Variants in GREM2 observed in about 807,000 individuals in gnomAD.
GREM2 encodes the protein gremlin-2.
GREM2 carries 11 observed loss-of-function variants against 14.2 expected under a neutral mutation model. The observed-to-expected ratio is 0.78, with a 90% CI of 0.49 to 1.28. The LOEUF is 1.28. Among genes scored for constraint, GREM2 ranks in the 50% most tolerant of loss-of-function variants. The probability of loss-of-function intolerance (pLI) is 0.00; values close to 1 mark genes in which losing one functional copy is unlikely to be tolerated. For missense variants in GREM2, 210 were observed against 218.5 expected (o/e 0.96, Z 0.24); for synonymous variants, 98 against 97.6 (o/e 1.00, Z -0.02).
At chr1:240,521,170 G>A (rs1479460866) in intron 1 of GREM2, among the ~76,000 whole-genome samples, 4 of 152,040 alleles carry the variant, frequency 2.6e-5, no homozygotes, top group Middle Eastern at 3.2e-3. Context: ...TATTTTCCTG[G>A]TTCTGTCTTG....
At position 240,610,069 on chromosome 1, in the gene GREM2, C is replaced by T. The variant is rs537747950; in HGVS notation, c.-2+1815G>A. The stretch of plus-strand genomic sequence containing the variant: ...TAGTCTATACAAAGTGAATATAATC[C>T]GTCTCACACTCACAAAGTTGCTACC... On this transcript the variant is annotated intron_variant, in intron 1 of 1. Coordinates refer to ENST00000318160, the MANE Select transcript of GREM2 (RefSeq NM_022469.4). Among the ~76,000 whole-genome samples the T allele has an allele frequency of 1.3e-4, 20 of 152,064 alleles. 1 individual carries two copies. The highest frequency in any genetic ancestry group is 2.1e-4 in the South Asian group (1 of 4,806).
intron 1 of GREM2, among the ~76,000 whole-genome samples, chr1:240,561,840 C>T (rs1302515953): frequency 6.6e-6 from 1 of 152,044 alleles, no homozygotes; most frequent in South Asian, 2.1e-4. Context: ...GGTATTATTT[C>T]TATTTAGAGA....
intron 1 of GREM2, among the ~76,000 whole-genome samples, chr1:240,574,239 C>G (rs900539543): frequency 6.6e-6 from 1 of 152,046 alleles, no homozygotes; most frequent in Non-Finnish European, 1.5e-5. Context: ...TTTAAAATTT[C>G]TTTTCTGTTG....
rs542071905 is a variant in GREM2 at position 240,601,996 on chromosome 1, C to A, written c.-2+9888G>T. Reference sequence around the variant, plus strand: ...GCTCAATAAATCCTCTCTTGCCCCCCTGCCTACTTTTCCTTTCAGCAAAAG... The same window carrying A: ...GCTCAATAAATCCTCTCTTGCCCCCATGCCTACTTTTCCTTTCAGCAAAAG... On this transcript the variant is annotated intron_variant, in intron 1 of 1. Coordinates refer to ENST00000318160, the MANE Select transcript of GREM2 (RefSeq NM_022469.4). 2.6e-5 allele frequency among the ~76,000 whole-genome samples: 4 copies of A among 152,236 alleles called. 1 individual carries two copies. In the South Asian group the frequency reaches 6.2e-4, roughly 24 times the overall value.
chr1:240,537,730 AGCCGAGATG>A (rs1274183567), intron 1 of GREM2, among the ~76,000 whole-genome samples: 1 of 152,208 alleles, frequency 6.6e-6, no homozygotes, highest in Non-Finnish European at 1.5e-5. Flanking sequence ...GGTTGCAGTG[AGCCGAGATG>A]GCGCCACTGC....
At chr1:240,520,585 C>CGGGCTGG (rs1678062038) in intron 1 of GREM2, among the ~76,000 whole-genome samples, 4 of 152,038 alleles carry the variant, frequency 2.6e-5, no homozygotes, top group African/African-American at 9.7e-5. Flanking sequence ...ACTCATTGCC[C>CGGGCTGG]AGGCTGGAGT....
chr1:240,561,640 C>A (rs1229853133), intron 1 of GREM2, among the ~76,000 whole-genome samples: 3 of 151,004 alleles, frequency 2.0e-5, no homozygotes, highest in African/African-American at 7.3e-5. Flanking sequence ...TATTTGAGAC[C>A]TTTGCTGAAA....
intron 1 of GREM2, among the ~76,000 whole-genome samples, chr1:240,528,513 A>G (rs549540627): frequency 6.6e-6 from 1 of 152,318 alleles, no homozygotes; most frequent in Admixed American, 6.5e-5. Flanking sequence ...TCTGGGTTGA[A>G]AAAAATGTAT....
intron 1 of GREM2, among the ~76,000 whole-genome samples, chr1:240,579,111 A>C: frequency 6.6e-6 from 1 of 152,174 alleles, no homozygotes; most frequent in East Asian, 1.9e-4. Flanking sequence ...TGAATTCCCC[A>C]GGCCACATCT....
At chr1:240,526,459 C>A (rs1678223592) in intron 1 of GREM2, among the ~76,000 whole-genome samples, 1 of 152,162 alleles carries the variant, frequency 6.6e-6, no homozygotes, top group Non-Finnish European at 1.5e-5. Context: ...ATCCGGCAAG[C>A]ATTTAAAGCT....
At chr1:240,547,514 A>ATAT (rs1553275843) in intron 1 of GREM2, among the ~76,000 whole-genome samples, 4 of 102,676 alleles carry the variant, frequency 3.9e-5, no homozygotes, top group African/African-American at 1.8e-4. Flanking sequence ...AAAAAAAAAA[A>ATAT]ATATATATAT....
intron 1 of GREM2, among the ~76,000 whole-genome samples, chr1:240,561,664 T>G (rs1039225131): frequency 1.3e-5 from 2 of 151,172 alleles, no homozygotes; most frequent in African/African-American, 4.9e-5. Context: ...TAGGGAATTT[T>G]GTCATTAGTC....
chr1:240,575,825 A>G (rs1050979004), intron 1 of GREM2, among the ~76,000 whole-genome samples: 1 of 151,306 alleles, frequency 6.6e-6, no homozygotes, highest in African/African-American at 2.4e-5. Context: ...CCAGCACAAG[A>G]TTCAGTTTTT....
chr1:240,503,303 T>A (rs1241471895), intron 1 of GREM2, among the ~76,000 whole-genome samples: 1 of 152,176 alleles, frequency 6.6e-6, no homozygotes, highest in Non-Finnish European at 1.5e-5. Flanking sequence ...CTCATCTTCT[T>A]TCATTCCTCA....
At chr1:240,539,002 G>C (rs1678535327) in intron 1 of GREM2, among the ~76,000 whole-genome samples, 1 of 152,176 alleles carries the variant, frequency 6.6e-6, no homozygotes, top group Non-Finnish European at 1.5e-5. Flanking sequence ...GTACATGGCA[G>C]ACATCCACCA....
At position 240,491,482 on chromosome 1, in the gene GREM2, A is replaced by G. The variant is rs1677246299; in HGVS notation, c.*1487T>C. The G allele has an allele frequency of 6.6e-6, 1 of 152,640 alleles. No individual in the cohort carries two copies. Among genetic ancestry groups the G allele is most frequent in the Non-Finnish European group, 1.5e-5 (1 of 68,038 alleles). 9.5% of individuals were successfully genotyped at this position (152,640 alleles called of 1,614,324 possible). A position where few individuals can be genotyped will look rare whatever the true frequency, so the allele number is the denominator to read the frequency against. On this transcript the variant is annotated 3_prime_UTR_variant, in exon 2 of 2. Transcript: ENST00000318160. ...AAGAAGTATATAATTTCGCTGGAAA[A>G]TAAGTTACGTCTACTTCCGTATATC...
At chr1:240,509,394 G>A (rs751011131) in intron 1 of GREM2, among the ~76,000 whole-genome samples, 1 of 132,120 alleles carries the variant, frequency 7.6e-6, no homozygotes, top group Non-Finnish European at 1.6e-5. Flanking sequence ...TTGAGACAGA[G>A]TTTCACTCTT....
chr1:240,607,576 T>C (rs1229830690), intron 1 of GREM2, among the ~76,000 whole-genome samples: 2 of 152,352 alleles, frequency 1.3e-5, no homozygotes, highest in Admixed American at 1.3e-4. Flanking sequence ...TGAAAGGTGG[T>C]CTCTGCAGGC....
intron 1 of GREM2, among the ~76,000 whole-genome samples, chr1:240,520,401 T>C (rs1295960666): frequency 6.6e-6 from 1 of 152,182 alleles, no homozygotes; most frequent in African/African-American, 2.4e-5. Context: ...AAAATGGTCA[T>C]GGCTGAATGA....
Sources: gnomAD v4.1 joint callset for allele counts (sites outside exome capture counted in the v4.1 genomes callset) on GRCh38, gnomAD v4.1.1 for gene constraint, MANE v1.5 for transcripts, NCBI Gene and HGNC (gene_info 2026-07-23, HGNC 2026-07-21) for gene names.